PDE1A: variants seen among roughly 807,000 people sequenced by gnomAD.
PDE1A encodes the protein phosphodiesterase 1A.
Under a neutral mutation model 61.7 loss-of-function variants are expected in PDE1A, and 35 were observed. The ratio of observed to expected loss-of-function variants is 0.57; its 90% confidence interval spans 0.43 to 0.75. PDE1A has a LOEUF of 0.75. Ranked by LOEUF, PDE1A falls within the 30% of genes least tolerant of loss-of-function variation. The probability of loss-of-function intolerance (pLI) is 0.00; values close to 1 mark genes in which losing one functional copy is unlikely to be tolerated. For missense variants in PDE1A, 597 were observed against 630.6 expected (o/e 0.95, Z 0.57); for synonymous variants, 232 against 213.2 (o/e 1.09, Z -0.77).
the PDE1A span, among the ~76,000 whole-genome samples, chr2:182,709,030 T>C: frequency 2.0e-4 from 31 of 152,312 alleles, no homozygotes; most frequent in Admixed American, 1.8e-3. Context: ...TCTATTTACA[T>C]TTGAGTATCT....
At chr2:182,684,947 G>A in the PDE1A span, among the ~76,000 whole-genome samples, 10 of 151,788 alleles carry the variant, frequency 6.6e-5, no homozygotes, top group Non-Finnish European at 1.3e-4. Context: ...GAAAGGGAGG[G>A]GTAGATTCAG....
chr2:182,582,626 G>T, the PDE1A span, among the ~76,000 whole-genome samples: 1 of 152,172 alleles, frequency 6.6e-6, no homozygotes, highest in Non-Finnish European at 1.5e-5. Context: ...CTCGTACAAT[G>T]ATGCACAAAT....
chr2:182,541,278 G>A, the PDE1A span, among the ~76,000 whole-genome samples: 1 of 152,176 alleles, frequency 6.6e-6, no homozygotes, highest in East Asian at 1.9e-4. Context: ...CAGGAACTGG[G>A]TTCAGGTTCT....
intron 1 of PDE1A, among the ~76,000 whole-genome samples, chr2:182,381,832 A>AATT (rs1700755380): frequency 6.6e-6 from 1 of 150,786 alleles, no homozygotes; most frequent in African/African-American, 2.5e-5. Flanking sequence ...TAATAATAAT[A>AATT]ATAATTATAT....
chr2:182,287,687 T>C (rs1694259420), intron 1 of PDE1A, among the ~76,000 whole-genome samples: 1 of 152,158 alleles, frequency 6.6e-6, no homozygotes, highest in African/African-American at 2.4e-5. Context: ...TACCTGTGGT[T>C]GAAAGTCAGG....
intron 2 of PDE1A, among the ~76,000 whole-genome samples, chr2:182,518,657 G>A (rs905150529): frequency 2.6e-5 from 4 of 152,164 alleles, no homozygotes; most frequent in Admixed American, 1.3e-4. Context: ...AAAAACTGAA[G>A]GAACTGGGGC....
the PDE1A span, among the ~76,000 whole-genome samples, chr2:182,666,172 T>C: frequency 6.6e-6 from 1 of 152,102 alleles, no homozygotes; most frequent in East Asian, 1.9e-4. Context: ...CTTACCTAAG[T>C]AACAAACCTG....
chr2:182,437,562 C>T (rs1447542319), intron 2 of PDE1A, among the ~76,000 whole-genome samples: 1 of 151,900 alleles, frequency 6.6e-6, no homozygotes. Context: ...GAGGATTCTA[C>T]AGAACCTATT....
chr2:182,207,395 A>AAATCTGTG (rs1428142894), intron 7 of PDE1A, among the ~76,000 whole-genome samples: 1 of 152,224 alleles, frequency 6.6e-6, no homozygotes, highest in Admixed American at 6.5e-5. Flanking sequence ...CCTGCTCTAG[A>AAATCTGTG]AATCTGTGGA....
the PDE1A span, among the ~76,000 whole-genome samples, chr2:182,609,853 C>T: frequency 5.3e-5 from 8 of 152,256 alleles, 1 homozygote; most frequent in South Asian, 2.1e-4. Context: ...CTTGGGAGGC[C>T]GAGGCAGGTG....
At chr2:182,570,244 T>C in the PDE1A span, among the ~76,000 whole-genome samples, 2 of 151,926 alleles carry the variant, frequency 1.3e-5, no homozygotes, top group African/African-American at 4.8e-5. Flanking sequence ...AAGTAGAGAG[T>C]ATAAAATAGA....
intron 1 of PDE1A, among the ~76,000 whole-genome samples, chr2:182,331,331 G>A (rs749787596): frequency 8.5e-5 from 13 of 152,080 alleles, no homozygotes; most frequent in Non-Finnish European, 1.5e-4. Flanking sequence ...CTTTTAATTG[G>A]GGCATTTAGC....
intron 13 of PDE1A, among the ~76,000 whole-genome samples, chr2:182,161,297 G>T (rs1348958515): frequency 6.6e-6 from 1 of 152,104 alleles, no homozygotes; most frequent in Non-Finnish European, 1.5e-5. Context: ...ACAAAGAAAG[G>T]TGAACTCTCA....
At chr2:182,365,489 A>G (rs1052652298) in intron 1 of PDE1A, among the ~76,000 whole-genome samples, 10 of 152,126 alleles carry the variant, frequency 6.6e-5, no homozygotes, top group African/African-American at 2.4e-4. Context: ...ATCAGATTAA[A>G]CTAAGTCAAC....
At chr2:182,346,772 C>T (rs188652620) in intron 1 of PDE1A, among the ~76,000 whole-genome samples, 5 of 152,044 alleles carry the variant, frequency 3.3e-5, no homozygotes, top group Admixed American at 3.3e-4. Context: ...TTGATTCCTA[C>T]TTCAATATGA....
intron 13 of PDE1A, among the ~76,000 whole-genome samples, chr2:182,171,854 C>T (rs781704941): frequency 1.3e-4 from 19 of 151,606 alleles, no homozygotes; most frequent in East Asian, 1.9e-4. Context: ...CATCTCTGTT[C>T]GACAGTGCAA....
chr2:182,345,958 A>G (rs1217187240), intron 1 of PDE1A, among the ~76,000 whole-genome samples: 2 of 152,216 alleles, frequency 1.3e-5, no homozygotes, highest in Non-Finnish European at 2.9e-5. Flanking sequence ...GGAGAAGGAA[A>G]TGTGTCTGAT....
At chr2:182,185,781 C>T (rs745446334) in intron 13 of PDE1A, 111 bp downstream of exon 13, 25 of 1,551,690 alleles carry the variant, frequency 1.6e-5, no homozygotes, top group East Asian at 2.3e-5. Context: ...CCAATACCAT[C>T]AAGGGCTTAC....
chr2:182,656,092 A>G, the PDE1A span, among the ~76,000 whole-genome samples: 1 of 152,118 alleles, frequency 6.6e-6, no homozygotes, highest in African/African-American at 2.4e-5. Context: ...CCCCCACATC[A>G]TTCTATTACT....
Sources: gnomAD v4.1 joint callset for allele counts (sites outside exome capture counted in the v4.1 genomes callset) on GRCh38, gnomAD v4.1.1 for gene constraint, MANE v1.5 for transcripts, NCBI Gene and HGNC (gene_info 2026-07-23, HGNC 2026-07-21) for gene names.